Variants in FHIP1B observed in about 807,000 individuals in gnomAD.
FHIP1B encodes FHF complex subunit HOOK interacting protein 1B.
In FHIP1B, 28 loss-of-function variants were observed where a neutral mutation model predicts 82.2. The observed-to-expected ratio is 0.34, with a 90% CI of 0.25 to 0.47. The LOEUF is 0.47. FHIP1B is among the 20% of genes least tolerant of loss of function. The probability of loss-of-function intolerance (pLI) is 1.00; values close to 1 mark genes in which losing one functional copy is unlikely to be tolerated. For synonymous variants in FHIP1B, 585 were observed against 516.1 expected (o/e 1.13, Z -1.81); for missense variants, 1,110 against 1,262.6 (o/e 0.88, Z 1.83).
rs1847469656 is a variant in FHIP1B, at chr11:6,223,375, A to G, written c.778-137T>C. 1.9e-6 allele frequency: 2 copies of G among 1,042,972 alleles called. No homozygotes were observed. Among genetic ancestry groups the G allele is most frequent in the South Asian group, 1.6e-5 (1 of 61,042 alleles). The allele number at this position is 1,042,972 out of a possible 1,614,324, so 64.6% of individuals were successfully genotyped here. ...ACCAAAGCAAGCATTTGCCTACCCAATGTGCCTGAAACTCACCTAGAATTC... is the reference window on the plus strand; with the variant it reads ...ACCAAAGCAAGCATTTGCCTACCCAGTGTGCCTGAAACTCACCTAGAATTC... On this transcript the variant is annotated intron_variant, in intron 3 of 11. Transcript: ENST00000449352. The surrounding 1 kb of genome is among the most constrained non-coding windows in gnomAD (Gnocchi z 4.8).
Position 6,211,592 on chromosome 11 carries a change from G to A in FHIP1B, c.2833C>T (p.His945Tyr). The change falls in exon 12 of 12, where the codon CAT (histidine) becomes TAT (tyrosine). Residue 945 changes from histidine (H) to tyrosine (Y), a missense_variant. By Grantham distance (83) the His-to-Tyr change is moderately conservative. Coordinates refer to ENST00000449352, the MANE Select transcript of FHIP1B (RefSeq NM_001098794.2). ...LKELAAISQAHAVTSPFLLET... is the reference protein window; with the variant it reads ...LKELAAISQAYAVTSPFLLET... ...AACAAGAAAGGCGAGGTGACGGCAT[G>A]AGCCTGGGAGATGGCAGCCAACTCC... is the stretch of plus-strand genomic sequence containing the variant. 6.2e-7 allele frequency: 1 copy of A among 1,614,228 alleles called. No individual in the cohort carries two copies. The highest frequency in any genetic ancestry group is 8.5e-7 in the Non-Finnish European group (1 of 1,180,038).
intron 9 of FHIP1B, among the ~76,000 whole-genome samples, chr11:6,216,238 C>A (rs1405640843): frequency 6.6e-6 from 1 of 152,228 alleles, no homozygotes; most frequent in African/African-American, 2.4e-5. Flanking sequence ...GGCAGAAGCC[C>A]TGGTGCTGTA....
Position 6,218,211 on chromosome 11 carries a change from A to G in FHIP1B, c.1436-61T>C, listed in dbSNP as rs1036084836. ...ACAGAGGTTCAGAAGGAGAGATAAG[A>G]CACCTCGGGAGACTAAGAAAGAAGA... On this transcript the variant is annotated intron_variant, in intron 8 of 11. Transcript: ENST00000449352. 8 of 1,529,386 alleles carry G rather than the reference A, an allele frequency of 5.2e-6. No individual in the cohort carries two copies. In the African/African-American group the frequency reaches 7.0e-5, roughly 13 times the overall value. The allele number at this position is 1,529,386 out of a possible 1,614,324, so 94.7% of individuals were successfully genotyped here. A position where few individuals can be genotyped will look rare whatever the true frequency, so the allele number is the denominator to read the frequency against.
Position 6,224,577 on chromosome 11 carries a change from G to C in FHIP1B, c.-61C>G. The C allele has an allele frequency of 6.6e-7, 1 of 1,523,160 alleles. No homozygotes were observed. The highest frequency in any genetic ancestry group is 8.8e-7 in the Non-Finnish European group (1 of 1,136,550). The allele number at this position is 1,523,160 out of a possible 1,614,324, so 94.4% of individuals were successfully genotyped here. The stretch of plus-strand genomic sequence containing the variant: ...ACACTCTGAGGATTTGCCAGCTGGA[G>C]GTTTTCTCCACTTGTGTCTCCAGTC... On this transcript the variant is annotated 5_prime_UTR_variant, in exon 2 of 12. Transcript: ENST00000449352.
At chr11:6,225,271 T>C (rs1234566309) in intron 1 of FHIP1B, among the ~76,000 whole-genome samples, 2 of 152,236 alleles carry the variant, frequency 1.3e-5, no homozygotes, top group Admixed American at 6.5e-5. Flanking sequence ...ACTCACACTT[T>C]AGTGACACAG....
At position 6,223,604 on chromosome 11, in the gene FHIP1B, G is replaced by T. The variant is rs2133823630; in HGVS notation, c.777+6C>A. 6.4e-7 allele frequency: 1 copy of T among 1,572,820 alleles called. No homozygotes were observed. Among genetic ancestry groups the T allele is most frequent in the East Asian group, 2.2e-5 (1 of 44,568 alleles). The stretch of plus-strand genomic sequence containing the variant: ...CACCCTACCCTCCAAGCCAGGGGGT[G>T]CTAACCGGGCAGAAGTAAGAGTGAT... On this transcript the variant is annotated splice_donor_region_variant and intron_variant, in intron 3 of 11. Transcript: ENST00000449352. This position sits in a 1 kb window ranked among gnomAD's most constrained non-coding sequence, Gnocchi z 4.8.
intron 11 of FHIP1B, among the ~76,000 whole-genome samples, chr11:6,213,370 T>A (rs1847128367): frequency 6.6e-6 from 1 of 152,234 alleles, no homozygotes; most frequent in African/African-American, 2.4e-5. Flanking sequence ...CACATGTCAA[T>A]TCCTCCTTGC....
rs12798012 is a variant in FHIP1B, at chr11:6,214,796, C to T, written c.2331G>A (p.Leu777=). 25 of 1,610,348 alleles carry T rather than the reference C, an allele frequency of 1.6e-5. No homozygotes were observed. The highest frequency in any genetic ancestry group is 2.1e-5 in the Non-Finnish European group (25 of 1,178,328). ...TGGTGTTGAGCAGGAAAGAGCGGAG[C>T]AGGGGCTGGGGGTGACAGGCCAGCT... is the stretch of plus-strand genomic sequence containing the variant. The part of the protein sequence containing the change: ...VAQLACHPQP[L]LRSFLLNTNM... Residue 777 remains leucine (L), a synonymous_variant, in exon 10 of 12, where the codon CTG becomes CTA. Transcript: ENST00000449352.
chr11:6,211,525 C>A lies in FHIP1B; in HGVS notation c.2900G>T (p.Cys967Phe). 6.2e-7 allele frequency: 1 copy of A among 1,603,128 alleles called. No individual in the cohort carries two copies. Among genetic ancestry groups the A allele is most frequent in the East Asian group, 2.2e-5 (1 of 44,820 alleles). ...AGAAAGTTAAGGATTGAGGGGCCCA[C>A]AGCCTGAGATGAGAGGGCCAGATCC... The part of the protein sequence containing the change: ...EEGSGPLISG[C>F]GPLNP The change falls in exon 12 of 12, where the codon TGT (cysteine) becomes TTT (phenylalanine). Residue 967 changes from cysteine (C) to phenylalanine (F), a missense_variant. Physicochemically the swap from Cys to Phe is radical, Grantham distance 205. This residue lies in a region of FHIP1B where 29 missense variants were observed against 21.5 expected (regional missense o/e 1.35). Transcript: ENST00000449352.
chr11:6,218,449 G>T, intron 8 of FHIP1B, 151 bp downstream of exon 8: 1 of 1,234,928 alleles, frequency 8.1e-7, no homozygotes, highest in Non-Finnish European at 1.1e-6. Flanking sequence ...GGTCCTCCCT[G>T]CAAGACACCC....
chr11:6,217,228 C>G (rs897811850), intron 9 of FHIP1B, 143 bp downstream of exon 9: 1 of 754,568 alleles, frequency 1.3e-6, no homozygotes, highest in Non-Finnish European at 2.3e-6. Context: ...TGACACGTAT[C>G]TGGAAGTGAT....
intron 1 of FHIP1B, among the ~76,000 whole-genome samples, chr11:6,232,938 C>T (rs112685703): frequency 1.3e-4 from 20 of 152,170 alleles, no homozygotes; most frequent in African/African-American, 4.6e-4. Context: ...GAATGATAAT[C>T]TCTGAGAATA....
At chr11:6,234,019 C>A (rs1256684651) in intron 1 of FHIP1B, among the ~76,000 whole-genome samples, 1 of 152,162 alleles carries the variant, frequency 6.6e-6, no homozygotes, top group Non-Finnish European at 1.5e-5. Flanking sequence ...GAGTCAGGTG[C>A]ACAACACTTC....
chr11:6,217,745 A>G lies in FHIP1B; in HGVS notation c.1841T>C (p.Leu614Pro). The G allele has an allele frequency of 1.6e-6, 1 of 637,308 alleles. No homozygotes were observed. Among genetic ancestry groups the G allele is most frequent in the Non-Finnish European group, 2.2e-6 (1 of 451,400 alleles). 39.5% of individuals were successfully genotyped at this position (637,308 alleles called of 1,614,324 possible). The change falls in exon 9 of 12, where the codon CTG (leucine) becomes CCG (proline). Residue 614 changes from leucine to proline, a missense_variant. Coordinates refer to ENST00000449352, the MANE Select transcript of FHIP1B (RefSeq NM_001098794.2). Reference sequence around the variant, plus strand: ...ACCCCCAGCCCGCCCCCTCCTCCCCAGCTCTTCCTCCTCCCCTTCCCCCAC... The same window carrying G: ...ACCCCCAGCCCGCCCCCTCCTCCCCGGCTCTTCCTCCTCCCCTTCCCCCAC... ...NNVGEGEEEE[L>P]GRRGRAGGAG...
At position 6,222,408 on chromosome 11, in the gene FHIP1B, T is replaced by A. The variant is rs170524; in HGVS notation, c.1191+34A>T. The A allele has an allele frequency of 7.0e-4, 1,122 of 1,610,340 alleles. 7 individuals are homozygous for A. The African/African-American group carries it at 0.013, about 19-fold the overall frequency. ...AAGGTCAGAGAAAGAAGATGGGTCA[T>A]CCAGGTAAGCTAGGACAGGGGTAAG... On this transcript the variant is annotated intron_variant, in intron 6 of 11. Coordinates refer to ENST00000449352, the MANE Select transcript of FHIP1B (RefSeq NM_001098794.2).
chr11:6,213,344 T>G (rs374783424), intron 11 of FHIP1B, among the ~76,000 whole-genome samples: 4 of 152,252 alleles, frequency 2.6e-5, no homozygotes, highest in African/African-American at 9.6e-5. Context: ...TCCTCTACAC[T>G]TCACAACTAC....
Position 6,224,552 on chromosome 11 carries a change from A to G in FHIP1B, c.-36T>C. ...GGGCAGGACTGGCAGCCAGAGGCCTACACTCTGAGGATTTGCCAGCTGGAG... is the reference window on the plus strand; with the variant it reads ...GGGCAGGACTGGCAGCCAGAGGCCTGCACTCTGAGGATTTGCCAGCTGGAG... On this transcript the variant is annotated 5_prime_UTR_variant, in exon 2 of 12. Transcript: ENST00000449352. The G allele has an allele frequency of 1.3e-6, 2 of 1,570,206 alleles. No individual in the cohort carries two copies. Among genetic ancestry groups the G allele is most frequent in the Non-Finnish European group, 1.7e-6 (2 of 1,161,506 alleles).
At chr11:6,231,748 C>T (rs1001757235) in intron 1 of FHIP1B, among the ~76,000 whole-genome samples, 7 of 152,020 alleles carry the variant, frequency 4.6e-5, no homozygotes, top group Non-Finnish European at 8.8e-5. Flanking sequence ...TGAAGTCAAG[C>T]GATCTGCCTG....
At position 6,226,432 on chromosome 11, in the gene FHIP1B, G is replaced by A. The variant is rs532318835; in HGVS notation, c.-191-1725C>T. Among the ~76,000 whole-genome samples the A allele has an allele frequency of 2.0e-5, 3 of 152,298 alleles. No homozygotes were observed. The East Asian group carries it at 5.8e-4, about 29-fold the overall frequency. On this transcript the variant is annotated intron_variant, in intron 1 of 11. Coordinates refer to ENST00000449352, the MANE Select transcript of FHIP1B (RefSeq NM_001098794.2). ...CATAAACATAAATCCAACAAATATT[G>A]TAAATAGAAGTATTTATAAAAAGTG...
Sources: gnomAD v4.1 joint callset for allele counts (sites outside exome capture counted in the v4.1 genomes callset) on GRCh38, gnomAD v4.1.1 for gene constraint, gnomAD v4.1.1 regional missense constraint, Gnocchi (gnomAD v3.1) non-coding constraint, MANE v1.5 for transcripts, NCBI Gene and HGNC (gene_info 2026-07-23, HGNC 2026-07-21) for gene names.